NMRK2: variants seen among roughly 807,000 people sequenced by gnomAD.
NMRK2 encodes NRK 2.
A neutral mutation model predicts 24.7 loss-of-function variants in NMRK2; 34 were observed. The ratio of observed to expected loss-of-function variants is 1.37; its 90% CI spans 1.05 to 1.83. The LOEUF (loss-of-function observed/expected upper bound fraction) is 1.83. NMRK2 is among the 40% of genes most tolerant of loss of function. NMRK2 has a pLI of 0.00. For synonymous variants in NMRK2, 145 were observed against 125.6 expected, an observed-to-expected ratio of 1.15 and a Z score of -1.03; for missense variants, 341 against 315.0, an observed-to-expected ratio of 1.08 and a Z score of -0.62.
chr19:3,941,531 G>A (rs2039333254), intron 7 of NMRK2, among the ~76,000 whole-genome samples: 1 of 151,968 alleles, frequency 6.6e-6, no homozygotes, highest in Admixed American at 6.6e-5. Flanking sequence ...GGGATTACAG[G>A]CGTGAACCAC....
At chr19:3,934,437 C>G (rs1432391036) in intron 2 of NMRK2, among the ~76,000 whole-genome samples, 1 of 152,126 alleles carries the variant, frequency 6.6e-6, no homozygotes, top group East Asian at 1.9e-4. Context: ...GATTCAAACT[C>G]TCTGTAACCA....
In NMRK2 at chr19:3,938,850, T is replaced by G. The variant is rs1314686242; in HGVS notation, c.323+91T>G. On this transcript the variant is annotated intron_variant, in intron 5 of 7. Transcript: ENST00000168977. ...TTTTTTTTTTTTTTTTTTTGTTTTG[T>G]TTTTTTTTTTTTTTGAGACAAGAGT... The G allele has an allele frequency of 6.5e-3, 1,191 of 184,474 alleles. 83 individuals carry two copies. The African/African-American group carries it at 0.069, about 11-fold the overall frequency. The allele number at this position is 184,474 out of a possible 1,614,324, so 11.4% of individuals were successfully genotyped here.
intron 4 of NMRK2, among the ~76,000 whole-genome samples, chr19:3,938,060 CG>C (rs2039246642): frequency 7.7e-6 from 1 of 130,518 alleles, no homozygotes; most frequent in African/African-American, 2.9e-5. Flanking sequence ...ACTGTCCCCC[CG>C]GGGTCCACCC....
intron 2 of NMRK2, among the ~76,000 whole-genome samples, chr19:3,934,764 A>G (rs1288324135): frequency 6.6e-6 from 1 of 151,772 alleles, no homozygotes; most frequent in African/African-American, 2.4e-5. Context: ...TGTTTTTAGT[A>G]GAGATGGGGG....
At chr19:3,933,288 C>G in intron 1 of NMRK2, 110 bp downstream of exon 1, 2 of 241,976 alleles carry the variant, frequency 8.3e-6, no homozygotes, top group Non-Finnish European at 1.5e-5. Context: ...GGCTGCTGAT[C>G]TGAGCTCTCT....
chr19:3,941,719 G>A (rs1312999700), intron 7 of NMRK2, among the ~76,000 whole-genome samples: 1 of 148,892 alleles, frequency 6.7e-6, no homozygotes, highest in Non-Finnish European at 1.5e-5. Flanking sequence ...CTTGGCTCAC[G>A]GCAATCTCCG....
chr19:3,938,993 C>T (rs2145302213), intron 5 of NMRK2, among the ~76,000 whole-genome samples: 1 of 151,466 alleles, frequency 6.6e-6, no homozygotes, highest in Non-Finnish European at 1.5e-5. Context: ...GATTACAGGC[C>T]TGCGCCATCA....
At chr19:3,939,878 G>C in intron 5 of NMRK2, 22 bp from the exon 6 acceptor site, 1 of 1,605,922 alleles carries the variant, frequency 6.2e-7, no homozygotes, top group South Asian at 1.1e-5. Context: ...GGTGCTGACC[G>C]TGTCTCCCCC....
intron 4 of NMRK2, among the ~76,000 whole-genome samples, chr19:3,938,052 T>C (rs1354902428): frequency 7.9e-6 from 1 of 126,688 alleles, no homozygotes; most frequent in South Asian, 2.6e-4. Context: ...CCCCGTCCAC[T>C]GTCCCCCCGG....
intron 6 of NMRK2, among the ~76,000 whole-genome samples, chr19:3,940,756 G>GA (rs2039317607): frequency 6.9e-6 from 1 of 144,742 alleles, no homozygotes; most frequent in Non-Finnish European, 1.5e-5. Context: ...AAAAAAAAGA[G>GA]AAAACGCCAC....
Position 3,942,225 on chromosome 19 carries a change from C to T in NMRK2, c.645C>T (p.Cys215=), listed in dbSNP as rs140172193. ...PARTQGPGRG[C]GHRTARPAAS... The stretch of plus-strand genomic sequence containing the variant: ...GGACACAGGGACCCGGACGCGGATG[C>T]GGCCACAGAACGGCCAGGCCTGCAG... The change falls in exon 8 of 8, where the codon TGC becomes TGT. Residue 215 remains cysteine (C), a synonymous_variant. Transcript: ENST00000168977. 19 of 1,612,348 alleles carry T rather than the reference C, an allele frequency of 1.2e-5. No individual in the cohort carries two copies. The Admixed American group carries it at 1.7e-4, about 14-fold the overall frequency.
intron 3 of NMRK2, 37 bp from the exon 4 acceptor site, chr19:3,937,203 G>C (rs1000912792): frequency 6.2e-7 from 1 of 1,610,246 alleles, no homozygotes; most frequent in Non-Finnish European, 8.5e-7. Context: ...AGGCAGGACC[G>C]GGCACTGAGC....
chr19:3,935,035 C>A (rs1279957545), intron 2 of NMRK2, among the ~76,000 whole-genome samples: 2 of 151,974 alleles, frequency 1.3e-5, no homozygotes, highest in Admixed American at 6.6e-5. Flanking sequence ...TGGGGGCTTA[C>A]ATTTTAAAAA....
At chr19:3,938,851 T>TTTTG in intron 5 of NMRK2, 92 bp downstream of exon 5, 2 of 523,118 alleles carry the variant, frequency 3.8e-6, no homozygotes, top group South Asian at 6.2e-5. Context: ...TTTGTTTTGT[T>TTTTG]TTTTTTTTTT....
At chr19:3,934,474 C>T (rs1300209335) in intron 2 of NMRK2, among the ~76,000 whole-genome samples, 1 of 152,104 alleles carries the variant, frequency 6.6e-6, no homozygotes, top group Admixed American at 6.6e-5. Flanking sequence ...GGGGCTCACA[C>T]CCCCGCCTCA....
intron 6 of NMRK2, 44 bp downstream of exon 6, chr19:3,940,015 G>C: frequency 6.5e-7 from 1 of 1,545,284 alleles, no homozygotes; most frequent in Non-Finnish European, 8.9e-7. Flanking sequence ...TGAGGGCCCT[G>C]TCTTGAATTA....
chr19:3,936,167 C>T (rs548983455), intron 2 of NMRK2, among the ~76,000 whole-genome samples: 19 of 150,328 alleles, frequency 1.3e-4, no homozygotes, highest in Admixed American at 1.1e-3. Flanking sequence ...GCCAAGATTG[C>T]GCCATTGTAC....
rs920274753 is a variant in NMRK2, at chr19:3,940,991, C to T, written c.396-80C>T. 3 of 918,408 alleles carry T rather than the reference C, an allele frequency of 3.3e-6. No homozygotes were observed. In the African/African-American group the frequency reaches 5.0e-5, roughly 15 times the overall value. 56.9% of individuals were successfully genotyped at this position (918,408 alleles called of 1,614,324 possible). Reference sequence around the variant, plus strand: ...GAGGTTCTGTCCCTGACTATGACAGCTTTCAGGCCCCCCACCGGGGGTATA... The same window carrying T: ...GAGGTTCTGTCCCTGACTATGACAGTTTTCAGGCCCCCCACCGGGGGTATA... On this transcript the variant is annotated intron_variant, in intron 6 of 7. Coordinates refer to ENST00000168977, the MANE Select transcript of NMRK2 (RefSeq NM_170678.3).
At position 3,942,322 on chromosome 19, in the gene NMRK2, C is replaced by G; in HGVS notation, c.*49C>G. 1.3e-6 allele frequency: 2 copies of G among 1,501,560 alleles called. No individual in the cohort carries two copies. Among genetic ancestry groups the G allele is most frequent in the Non-Finnish European group, 1.8e-6 (2 of 1,109,850 alleles). 93.0% of individuals were successfully genotyped at this position (1,501,560 alleles called of 1,614,324 possible). A position where few individuals can be genotyped will look rare whatever the true frequency, so the allele number is the denominator to read the frequency against. On this transcript the variant is annotated 3_prime_UTR_variant, in exon 8 of 8. Transcript: ENST00000168977. The stretch of plus-strand genomic sequence containing the variant: ...TACGTAGGAGAGTGGAGGCCCCACT[C>G]CCAGTTGGGCGTCCCGGAGCTCAGG...
Sources: gnomAD v4.1 joint callset for allele counts (sites outside exome capture counted in the v4.1 genomes callset) on GRCh38, gnomAD v4.1.1 for gene constraint, MANE v1.5 for transcripts, NCBI Gene and HGNC (gene_info 2026-07-23, HGNC 2026-07-21) for gene names.